The following CREB5 variants were observed in gnomAD, a reference collection of about 807,000 sequenced individuals.
CREB5 encodes the protein cAMP responsive element binding protein 5.
In CREB5, 19 loss-of-function variants were observed where a neutral mutation model predicts 57.1. The observed-to-expected ratio is 0.33, with a 90% CI of 0.23 to 0.49. The LOEUF (loss-of-function observed/expected upper bound fraction) is 0.49, where lower values mean the gene tolerates loss of function less well. Among genes scored for constraint, CREB5 ranks in the 20% least tolerant of loss-of-function variants. CREB5 has a pLI of 0.99. For synonymous variants in CREB5, 238 were observed against 238.3 expected, an observed-to-expected ratio of 1.00 and a Z score of 0.01; for missense variants, 579 against 671.6, an observed-to-expected ratio of 0.86 and a Z score of 1.52.
At chr7:28,668,200 C>T (rs890237787) in intron 5 of CREB5, among the ~76,000 whole-genome samples, 4 of 152,144 alleles carry the variant, frequency 2.6e-5, no homozygotes, top group Non-Finnish European at 5.9e-5. Context: ...TAATGCATGA[C>T]CTCACTTTAT....
At chr7:28,697,430 G>C (rs936005623) in intron 5 of CREB5, among the ~76,000 whole-genome samples, 3 of 152,006 alleles carry the variant, frequency 2.0e-5, no homozygotes, top group African/African-American at 7.2e-5. Context: ...TACTTTTTAA[G>C]AAATCCTCTT....
chr7:28,792,556 CT>C (rs1475072965), intron 7 of CREB5, among the ~76,000 whole-genome samples: 1 of 152,170 alleles, frequency 6.6e-6, no homozygotes, highest in Non-Finnish European at 1.5e-5. Flanking sequence ...TTCAAAAGCT[CT>C]TCTTAAGCGT....
intron 5 of CREB5, among the ~76,000 whole-genome samples, chr7:28,656,342 T>C (rs1799332297): frequency 6.6e-6 from 1 of 152,224 alleles, no homozygotes; most frequent in Non-Finnish European, 1.5e-5. Flanking sequence ...ACATACCATC[T>C]TGGACATAGC....
chr7:28,569,339 A>T, intron 4 of CREB5, among the ~76,000 whole-genome samples: 1 of 151,578 alleles, frequency 6.6e-6, no homozygotes, highest in East Asian at 1.9e-4. Context: ...CTCTTTCTTT[A>T]TTGGGTTCTA....
intron 1 of CREB5, among the ~76,000 whole-genome samples, chr7:28,469,179 C>T (rs1416151880): frequency 6.6e-6 from 1 of 152,144 alleles, no homozygotes; most frequent in East Asian, 1.9e-4. Context: ...CGTGATTGCA[C>T]CACTGAACTC....
chr7:28,409,726 C>T (rs1352890107), upstream of CREB5: 4 of 342,842 alleles, frequency 1.2e-5, no homozygotes, highest in Admixed American at 8.0e-5. The surrounding 1 kb of genome is among the most constrained non-coding windows in gnomAD (Gnocchi z 4.4). Flanking sequence ...CCCTAGAGAC[C>T]CCGCGCCGCG....
chr7:28,467,642 C>T (rs1302104529), intron 1 of CREB5, among the ~76,000 whole-genome samples: 8 of 152,016 alleles, frequency 5.3e-5, no homozygotes, highest in South Asian at 4.2e-4. Context: ...TGTTGTGTGG[C>T]GATAGGAGGT....
At chr7:28,434,541 G>GA (rs1276623979) in intron 1 of CREB5, among the ~76,000 whole-genome samples, 7 of 151,898 alleles carry the variant, frequency 4.6e-5, no homozygotes, top group African/African-American at 7.3e-5. Context: ...AGACAATACA[G>GA]AAAAAAACAA....
chr7:28,551,819 A>ATT (rs1794654022), intron 4 of CREB5, among the ~76,000 whole-genome samples: 1 of 85,892 alleles, frequency 1.2e-5, no homozygotes, highest in African/African-American at 4.4e-5. Context: ...CACCTCTATG[A>ATT]TTTTTCTTTC....
intron 1 of CREB5, among the ~76,000 whole-genome samples, chr7:28,337,866 G>A (rs543416751): frequency 4.6e-5 from 7 of 151,682 alleles, no homozygotes; most frequent in South Asian, 2.1e-4. Flanking sequence ...TTGTGTATTC[G>A]TTGTATGTTT....
At chr7:28,635,921 G>A (rs756507788) in intron 5 of CREB5, among the ~76,000 whole-genome samples, 11 of 152,204 alleles carry the variant, frequency 7.2e-5, no homozygotes, top group Non-Finnish European at 1.2e-4. Context: ...AGACCTGTGA[G>A]CCCAGCTTTC....
intron 5 of CREB5, among the ~76,000 whole-genome samples, chr7:28,693,086 C>G (rs1801358402): frequency 6.6e-6 from 1 of 152,078 alleles, no homozygotes; most frequent in Admixed American, 6.6e-5. Flanking sequence ...TAGCTAGCAA[C>G]AAAGTCTTTC....
intron 1 of CREB5, among the ~76,000 whole-genome samples, chr7:28,424,326 C>G (rs969540742): frequency 1.3e-5 from 2 of 152,222 alleles, no homozygotes; most frequent in Non-Finnish European, 1.5e-5. Context: ...AGCAAGAAGG[C>G]AGCACCCAGG....
chr7:28,649,584 G>A (rs1347287866), intron 5 of CREB5, among the ~76,000 whole-genome samples: 1 of 152,194 alleles, frequency 6.6e-6, no homozygotes, highest in African/African-American at 2.4e-5. Flanking sequence ...AGCCACCAGA[G>A]AGTATTCAAC....
intron 5 of CREB5, among the ~76,000 whole-genome samples, chr7:28,642,132 A>G (rs1798682960): frequency 6.6e-6 from 1 of 152,250 alleles, no homozygotes; most frequent in African/African-American, 2.4e-5. Context: ...TTTTAAGTTC[A>G]GCATGAACTG....
At chr7:28,569,184 G>T (rs1039654194) in intron 4 of CREB5, among the ~76,000 whole-genome samples, 1 of 150,532 alleles carries the variant, frequency 6.6e-6, no homozygotes, top group African/African-American at 2.4e-5. Flanking sequence ...TAGAGACAGA[G>T]TCTCACTCTG....
At chr7:28,408,690 G>A (rs1787643710), upstream of CREB5, among the ~76,000 whole-genome samples, 1 of 152,170 alleles carries the variant, frequency 6.6e-6, no homozygotes. Flanking sequence ...TGAAGCAGGG[G>A]TCCCGCGAAG....
intron 5 of CREB5, among the ~76,000 whole-genome samples, chr7:28,708,536 T>A (rs150493318): frequency 6.6e-6 from 1 of 152,292 alleles, no homozygotes; most frequent in East Asian, 1.9e-4. Flanking sequence ...AGGGCAGCAG[T>A]GAATCGAAGA....
intron 7 of CREB5, among the ~76,000 whole-genome samples, chr7:28,756,077 T>C (rs536358075): frequency 1.3e-5 from 2 of 152,244 alleles, no homozygotes; most frequent in South Asian, 4.1e-4. Flanking sequence ...ATTTACAGCA[T>C]ATATAGCACT....
Sources: gnomAD v4.1 joint callset for allele counts (sites outside exome capture counted in the v4.1 genomes callset) on GRCh38, gnomAD v4.1.1 for gene constraint, Gnocchi (gnomAD v3.1) non-coding constraint, MANE v1.5 for transcripts, NCBI Gene and HGNC (gene_info 2026-07-23, HGNC 2026-07-21) for gene names.